CCSER1: variants seen among roughly 807,000 people sequenced by gnomAD.
The protein encoded by CCSER1 is coiled-coil serine rich protein 1, also known as serine-rich coiled-coil domain-containing protein 1.
A neutral mutation model predicts 82.0 loss-of-function variants in CCSER1; 41 were observed. That is an observed-to-expected ratio of 0.50 (90% CI 0.39 to 0.65). The LOEUF (loss-of-function observed/expected upper bound fraction) is 0.65. CCSER1 is among the 30% of genes least tolerant of loss of function. The pLI is 0.00. For synonymous variants in CCSER1, 414 were observed against 383.9 expected (o/e 1.08, Z -0.92); for missense variants, 1,119 against 1,064.2 (o/e 1.05, Z -0.72).
At chr4:91,198,028 C>T (rs1344208560) in intron 10 of CCSER1, among the ~76,000 whole-genome samples, 1 of 152,106 alleles carries the variant, frequency 6.6e-6, no homozygotes, top group Non-Finnish European at 1.5e-5. Flanking sequence ...TTAGTCTAAA[C>T]TGTCTTTACA....
intron 9 of CCSER1, among the ~76,000 whole-genome samples, chr4:91,058,259 C>T (rs72886652): frequency 0.021 from 3,266 of 151,998 alleles, 104 homozygotes; most frequent in African/African-American, 0.073. Flanking sequence ...GAATGTGGTA[C>T]ATATTCTCTT....
intron 8 of CCSER1, among the ~76,000 whole-genome samples, chr4:90,889,378 C>T (rs1032867652): frequency 6.6e-6 from 1 of 152,134 alleles, no homozygotes; most frequent in African/African-American, 2.4e-5. Flanking sequence ...TCTCCTACCC[C>T]TCCTTCTCCC....
chr4:90,687,366 G>A (rs1393308594), intron 6 of CCSER1, among the ~76,000 whole-genome samples: 1 of 151,846 alleles, frequency 6.6e-6, no homozygotes, highest in African/African-American at 2.4e-5. Context: ...TTCAGAAATA[G>A]CATGTTGCTT....
intron 7 of CCSER1, chr4:90,724,685 G>A: frequency 2.8e-6 from 1 of 359,800 alleles, no homozygotes; most frequent in Non-Finnish European, 5.5e-6. Flanking sequence ...TTAAGAGCCT[G>A]AGGAAAAAAA....
At chr4:91,115,860 T>TATATA (rs1554069623) in intron 10 of CCSER1, among the ~76,000 whole-genome samples, 2 of 123,916 alleles carry the variant, frequency 1.6e-5, no homozygotes, top group African/African-American at 6.3e-5. Context: ...TATATATATA[T>TATATA]TTTTTTTTAT....
At chr4:90,898,275 T>A (rs1428366791) in intron 8 of CCSER1, among the ~76,000 whole-genome samples, 1 of 95,652 alleles carries the variant, frequency 1.0e-5, no homozygotes, top group African/African-American at 3.9e-5. Flanking sequence ...CCATCTTTTT[T>A]TTTTTTTTTT....
intron 10 of CCSER1, among the ~76,000 whole-genome samples, chr4:91,177,631 T>C (rs1220516702): frequency 6.6e-6 from 1 of 152,244 alleles, no homozygotes. Flanking sequence ...TATTCTCTGA[T>C]AGTAGTTTGT....
At chr4:91,348,791 G>T (rs777302223) in intron 10 of CCSER1, among the ~76,000 whole-genome samples, 1 of 152,108 alleles carries the variant, frequency 6.6e-6, no homozygotes, top group South Asian at 2.1e-4. Context: ...GTTCAGTAAT[G>T]ATAGTTGCTT....
rs536475582 is a variant in CCSER1, at chr4:90,433,155, C to T, written c.1603+33026C>T. Among the ~76,000 whole-genome samples the T allele has an allele frequency of 2.6e-5, 4 of 152,254 alleles. No homozygotes were observed. In the East Asian group the frequency reaches 7.7e-4, roughly 29 times the overall value. On this transcript the variant is annotated intron_variant, in intron 4 of 10. Coordinates refer to ENST00000509176, the MANE Select transcript of CCSER1 (RefSeq NM_001145065.2). ...CTTCACATGGATGTTTACGAGGCCTCTGAAACATGTCCCAAACCAAACTCC... is the reference window on the plus strand; with the variant it reads ...CTTCACATGGATGTTTACGAGGCCTTTGAAACATGTCCCAAACCAAACTCC...
At chr4:90,433,055 C>T (rs1253189663) in intron 4 of CCSER1, among the ~76,000 whole-genome samples, 1 of 152,088 alleles carries the variant, frequency 6.6e-6, no homozygotes, top group Non-Finnish European at 1.5e-5. Flanking sequence ...CACAAAGCCT[C>T]TAAGTTTCTA....
At chr4:91,136,772 C>G (rs7659872) in intron 10 of CCSER1, among the ~76,000 whole-genome samples, 5 of 151,950 alleles carry the variant, frequency 3.3e-5, no homozygotes, top group African/African-American at 9.7e-5. Context: ...TTTATTTTTA[C>G]GAAACTACTT....
chr4:90,932,994 A>AAG lies in CCSER1; in HGVS notation c.2172+9549_2172+9550dup, dbSNP rs1391712277. ...AGAAAGAAAGAAAGAGAAAGAAAGA[A>AAG]AGAAAGAAAGAAAGAAAGAAAGAAA... is the stretch of plus-strand genomic sequence containing the variant. On this transcript the variant is annotated intron_variant, in intron 9 of 10. Transcript: ENST00000509176. Among the ~76,000 whole-genome samples, 58 of 60,332 alleles carry AAG rather than the reference A, an allele frequency of 9.6e-4. 3 individuals are homozygous for AAG. The highest frequency in any genetic ancestry group is 1.8e-3 in the Admixed American group (10 of 5,556). 39.6% of individuals were successfully genotyped at this position (60,332 alleles called of 152,430 possible).
chr4:90,813,936 C>A (rs62309553), intron 7 of CCSER1, among the ~76,000 whole-genome samples: 50,745 of 151,922 alleles, frequency 0.33, 8,630 homozygotes, highest in East Asian at 0.42. Context: ...GCTCCAACCC[C>A]ACATGTCCCT....
chr4:91,399,017 A>G (rs1489847890), intron 10 of CCSER1, among the ~76,000 whole-genome samples: 1 of 151,986 alleles, frequency 6.6e-6, no homozygotes, highest in Non-Finnish European at 1.5e-5. Flanking sequence ...TTTGGAATGT[A>G]GGAAAACATT....
At chr4:90,746,176 A>G (rs558688757) in intron 7 of CCSER1, among the ~76,000 whole-genome samples, 15 of 152,262 alleles carry the variant, frequency 9.9e-5, no homozygotes, top group African/African-American at 3.6e-4. Context: ...TTTATTTACA[A>G]TTTCTTCCAA....
chr4:90,290,011 T>C lies in CCSER1; in HGVS notation c.-41-18233T>C, dbSNP rs957192507. Among the ~76,000 whole-genome samples, 10 of 151,960 alleles carry C rather than the reference T, an allele frequency of 6.6e-5. 1 individual carries two copies. In the South Asian group the frequency reaches 1.5e-3, roughly 22 times the overall value. ...CTCCAGAATTTTTTATTAATACACATTAGGTATACATATTTTTAGGGTACA... is the reference window on the plus strand; with the variant it reads ...CTCCAGAATTTTTTATTAATACACACTAGGTATACATATTTTTAGGGTACA... On this transcript the variant is annotated intron_variant, in intron 1 of 10. Coordinates refer to ENST00000509176, the MANE Select transcript of CCSER1 (RefSeq NM_001145065.2).
chr4:91,104,847 A>G (rs1725446067), intron 10 of CCSER1, among the ~76,000 whole-genome samples: 1 of 152,236 alleles, frequency 6.6e-6, no homozygotes, highest in South Asian at 2.1e-4. Flanking sequence ...TAAATTTCCT[A>G]ATAAGGGCAA....
At chr4:90,310,355 C>A (rs181016203) in intron 2 of CCSER1, among the ~76,000 whole-genome samples, 24 of 152,082 alleles carry the variant, frequency 1.6e-4, no homozygotes, top group Admixed American at 1.4e-3. Flanking sequence ...TATATACCAC[C>A]TGCTGGGCTA....
At chr4:90,588,953 TAA>T (rs1782356553) in intron 5 of CCSER1, among the ~76,000 whole-genome samples, 1 of 152,182 alleles carries the variant, frequency 6.6e-6, no homozygotes, top group Non-Finnish European at 1.5e-5. Flanking sequence ...AATGGACTCA[TAA>T]AACTGGTATG....
Sources: allele counts gnomAD v4.1 joint callset (sites outside exome capture counted in the v4.1 genomes callset), GRCh38; gene constraint gnomAD v4.1.1; transcripts MANE v1.5; gene names NCBI Gene and HGNC (gene_info 2026-07-23, HGNC 2026-07-21).